Variants in SLC5A11 observed in about 807,000 individuals in gnomAD.
SLC5A11 encodes solute carrier family 5 member 11, also known as sodium/myo-inositol cotransporter 2.
A neutral mutation model predicts 69.8 loss-of-function variants in SLC5A11; 48 were observed. The observed-to-expected ratio is 0.69, with a 90% CI of 0.55 to 0.87. The LOEUF (loss-of-function observed/expected upper bound fraction) is 0.87, where lower values mean the gene tolerates loss of function less well. Among genes scored for constraint, SLC5A11 ranks in the 40% least tolerant of loss-of-function variants. The probability of loss-of-function intolerance (pLI) is 0.00; values close to 1 mark genes in which losing one functional copy is unlikely to be tolerated. For missense variants in SLC5A11, 784 were observed against 866.1 expected (o/e 0.91, Z 1.19); for synonymous variants, 319 against 342.4 (o/e 0.93, Z 0.75).
chr16:24,855,498 G>A (rs2059490243), intron 1 of SLC5A11, among the ~76,000 whole-genome samples: 2 of 151,740 alleles, frequency 1.3e-5, no homozygotes, highest in Admixed American at 6.6e-5. Flanking sequence ...CTAATTGGGA[G>A]GCTGAGGCAG....
intron 8 of SLC5A11, among the ~76,000 whole-genome samples, chr16:24,885,216 T>A (rs2048317832): frequency 6.6e-6 from 1 of 152,162 alleles, no homozygotes; most frequent in Non-Finnish European, 1.5e-5. Flanking sequence ...AGTTGGTTGC[T>A]CTATGGCCTC....
chr16:24,849,880 A>G (rs2059224470), intron 1 of SLC5A11, among the ~76,000 whole-genome samples: 1 of 151,700 alleles, frequency 6.6e-6, no homozygotes. Flanking sequence ...TTGCTAACGG[A>G]CTAGGGGTGA....
intron 11 of SLC5A11, 83 bp downstream of exon 12, chr16:24,906,847 T>G (rs1334692867): frequency 7.0e-7 from 1 of 1,425,920 alleles, no homozygotes; most frequent in Admixed American, 2.0e-5. Flanking sequence ...CAAGGCAGGG[T>G]CAAGAAAGGA....
intron 7 of SLC5A11, among the ~76,000 whole-genome samples, chr16:24,880,006 G>C (rs1662670607): frequency 6.6e-6 from 1 of 152,092 alleles, no homozygotes. Context: ...CTTTTTGGTA[G>C]GATGACTTAT....
At chr16:24,894,127 T>C (rs1173566382) in intron 9 of SLC5A11, among the ~76,000 whole-genome samples, 1 of 152,130 alleles carries the variant, frequency 6.6e-6, no homozygotes, top group Non-Finnish European at 1.5e-5. Context: ...AAGGAACTCA[T>C]CCAAACTCAC....
At chr16:24,866,761 GATAAAC>G (rs2046945379) in intron 3 of SLC5A11, among the ~76,000 whole-genome samples, 1 of 151,944 alleles carries the variant, frequency 6.6e-6, no homozygotes, top group South Asian at 2.1e-4. Context: ...TAGACTTTAA[GATAAAC>G]ATTGTCACTA....
chr16:24,866,462 C>T (rs757753712), intron 3 of SLC5A11, among the ~76,000 whole-genome samples: 4 of 151,524 alleles, frequency 2.6e-5, no homozygotes, highest in Admixed American at 2.0e-4. Flanking sequence ...CCTGTAGTCC[C>T]AGCTACTCAG....
intron 10 of SLC5A11, among the ~76,000 whole-genome samples, chr16:24,898,753 C>T (rs568818816): frequency 2.2e-4 from 33 of 152,140 alleles, no homozygotes; most frequent in African/African-American, 7.5e-4. Flanking sequence ...CTCCTGACCT[C>T]GTGATCCACC....
rs769999779 is a variant in SLC5A11, at chr16:24,908,103, GATGT to G, written c.1407_1410del (p.Cys470SerfsTer14). 1.7e-5 allele frequency: 28 copies of G among 1,602,930 alleles called. No homozygotes were observed. In the South Asian group the frequency reaches 3.0e-4, roughly 17 times the overall value. On this transcript the variant is annotated frameshift_variant, in exon 13 of 16. Coordinates refer to ENST00000347898, the Ensembl canonical transcript of SLC5A11. LOFTEE classifies it high-confidence loss of function. The stretch of plus-strand genomic sequence containing the variant: ...CCTGTGGCGGTGGTCTTCATCATGG[GATGT>G]TTCTGGAAGAGGACCAATGAAAAGG...
intron 2 of SLC5A11, among the ~76,000 whole-genome samples, chr16:24,861,587 GAGAA>G (rs899231791): frequency 1.4e-4 from 19 of 135,354 alleles, no homozygotes; most frequent in Non-Finnish European, 1.9e-4. Flanking sequence ...GAAAGAGAAA[GAGAA>G]AGGAAGGAAG....
intron 14 of SLC5A11, 85 bp from the exon 16 acceptor site, chr16:24,910,221 G>A: frequency 7.2e-7 from 1 of 1,383,686 alleles, no homozygotes; most frequent in East Asian, 2.3e-5. Flanking sequence ...GCTGAGTGTG[G>A]GGTTGGGTGG....
intron 10 of SLC5A11, among the ~76,000 whole-genome samples, chr16:24,905,150 A>G (rs2152413373): frequency 6.6e-6 from 1 of 152,138 alleles, no homozygotes; most frequent in South Asian, 2.1e-4. Flanking sequence ...GAGAGAAGCA[A>G]AACAACCCTC....
At chr16:24,908,297 T>C (rs993036776) in intron 13 of SLC5A11, among the ~76,000 whole-genome samples, 166 bp downstream of exon 14, 3 of 151,972 alleles carry the variant, frequency 2.0e-5, no homozygotes, top group African/African-American at 7.2e-5. Flanking sequence ...TTATCTGACC[T>C]TTGCAAAAAA....
intron 8 of SLC5A11, among the ~76,000 whole-genome samples, chr16:24,885,826 A>G (rs1426605111): frequency 6.6e-6 from 1 of 152,066 alleles, no homozygotes; most frequent in Non-Finnish European, 1.5e-5. Flanking sequence ...CCTGAACTCT[A>G]TGAAACATGT....
intron 5 of SLC5A11, among the ~76,000 whole-genome samples, chr16:24,873,987 C>T (rs561800534): frequency 1.3e-5 from 2 of 151,944 alleles, no homozygotes; most frequent in South Asian, 4.1e-4. Context: ...CCACCACGCC[C>T]GACTACTTTT....
At chr16:24,892,250 G>A (rs1178209758) in intron 9 of SLC5A11, among the ~76,000 whole-genome samples, 1 of 151,748 alleles carries the variant, frequency 6.6e-6, no homozygotes, top group African/African-American at 2.4e-5. Context: ...AATGTAGGGT[G>A]CTGAGGGGAG....
At chr16:24,905,638 GCGCA>G (rs1555534420) in intron 10 of SLC5A11, among the ~76,000 whole-genome samples, 7 of 70,312 alleles carry the variant, frequency 1.0e-4, no homozygotes, top group South Asian at 4.3e-4. Flanking sequence ...ACGCGCGCGC[GCGCA>G]CACACACACA....
At chr16:24,905,677 C>G (rs2050009511) in intron 10 of SLC5A11, among the ~76,000 whole-genome samples, 1 of 148,486 alleles carries the variant, frequency 6.7e-6, no homozygotes, top group African/African-American at 2.5e-5. Context: ...CACACACACA[C>G]ACACACAGAG....
chr16:24,909,170 T>A, intron 14 of SLC5A11, 74 bp downstream of exon 15: 1 of 1,483,662 alleles, frequency 6.7e-7, no homozygotes, highest in Non-Finnish European at 9.3e-7. Flanking sequence ...CAAACTGACT[T>A]AAGCGAAGGA....
Sources: gnomAD v4.1 joint callset for allele counts (sites outside exome capture counted in the v4.1 genomes callset) on GRCh38, gnomAD v4.1.1 for gene constraint, MANE v1.5 for transcripts, NCBI Gene and HGNC (gene_info 2026-07-23, HGNC 2026-07-21) for gene names.